The following HLF variants were observed in gnomAD, a reference collection of about 807,000 sequenced individuals.
The protein encoded by HLF is hepatic leukemia factor.
Under a neutral mutation model 22.6 loss-of-function variants are expected in HLF, and 3 were observed. The observed-to-expected ratio is 0.13, with a 90% CI of 0.06 to 0.34. HLF has a LOEUF of 0.34. Among genes scored for constraint, HLF ranks in the 10% least tolerant of loss-of-function variants. The pLI, the probability that HLF is intolerant of heterozygous loss-of-function variation, is 1.00. For synonymous variants in HLF, 151 were observed against 151.8 expected (o/e 0.99, Z 0.04); for missense variants, 299 against 389.2 (o/e 0.77, Z 1.95).
intron 2 of HLF, among the ~76,000 whole-genome samples, chr17:55,284,826 G>A (rs920086024): frequency 1.3e-5 from 2 of 152,204 alleles, no homozygotes; most frequent in African/African-American, 4.8e-5. Flanking sequence ...AGGGCACAGT[G>A]AATTTGAAAG....
chr17:55,298,759 C>T (rs112548843), intron 2 of HLF, among the ~76,000 whole-genome samples: 3,237 of 152,204 alleles, frequency 0.021, 117 homozygotes, highest in African/African-American at 0.074. Flanking sequence ...ATTTTTATTA[C>T]GTGTGTAAAT....
rs2080779726 is a variant in HLF at position 55,265,581 on chromosome 17, C to T, written c.97C>T (p.Pro33Ser). 3 of 1,599,928 alleles carry T rather than the reference C, an allele frequency of 1.9e-6. No individual in the cohort carries two copies. Among genetic ancestry groups the T allele is most frequent in the African/African-American group, 1.4e-5 (1 of 73,704 alleles). The change falls in exon 1 of 4, where the codon CCC becomes TCC. Residue 33 changes from proline (P) to serine (S), a missense_variant. By Grantham distance (74) the Pro-to-Ser change is moderately conservative. This residue lies in a region of HLF where 72 missense variants were observed against 74.0 expected (regional missense o/e 0.97). Coordinates refer to ENST00000226067, the MANE Select transcript of HLF (RefSeq NM_002126.5). Reference sequence around the variant, plus strand: ...CCTGCTGGAGAACCCGCTGAAGCTCCCCCTTCACCACGAAGACGGTGAGCG... The same window carrying T: ...CCTGCTGGAGAACCCGCTGAAGCTCTCCCTTCACCACGAAGACGGTGAGCG... The part of the protein sequence containing the change: ...RSLLENPLKL[P>S]LHHEDAFSKD...
intron 2 of HLF, among the ~76,000 whole-genome samples, chr17:55,280,078 A>G (rs2145313352): frequency 6.6e-6 from 1 of 152,306 alleles, no homozygotes; most frequent in Middle Eastern, 3.4e-3. Flanking sequence ...CATGTACAGC[A>G]CTTAGAACAG....
intron 2 of HLF, among the ~76,000 whole-genome samples, chr17:55,302,600 G>A (rs1415834073): frequency 6.6e-6 from 1 of 152,162 alleles, no homozygotes; most frequent in African/African-American, 2.4e-5. Flanking sequence ...AGCGAATATT[G>A]TCGCTGATTT....
At chr17:55,290,383 T>C (rs2081049850) in intron 2 of HLF, among the ~76,000 whole-genome samples, 1 of 152,242 alleles carries the variant, frequency 6.6e-6, no homozygotes, top group East Asian at 1.9e-4. Flanking sequence ...ACAGTATGTG[T>C]TCACTTGGTG....
intron 2 of HLF, among the ~76,000 whole-genome samples, chr17:55,305,439 G>A (rs1013730780): frequency 6.6e-6 from 1 of 152,154 alleles, no homozygotes; most frequent in Non-Finnish European, 1.5e-5. Context: ...TACCTCTCTG[G>A]GGTTTGCCAA....
intron 2 of HLF, among the ~76,000 whole-genome samples, chr17:55,276,818 C>T (rs1463898960): frequency 1.3e-5 from 2 of 151,922 alleles, no homozygotes; most frequent in African/African-American, 4.9e-5. Context: ...GTGAACATTT[C>T]CACTTGAGTT....
chr17:55,307,214 C>T (rs755980758), intron 2 of HLF, among the ~76,000 whole-genome samples: 4 of 131,150 alleles, frequency 3.0e-5, no homozygotes, highest in Non-Finnish European at 4.6e-5. Context: ...AGTGCAGTGG[C>T]GCAATCTTGG....
At chr17:55,285,553 T>C (rs1177493442) in intron 2 of HLF, among the ~76,000 whole-genome samples, 1 of 152,236 alleles carries the variant, frequency 6.6e-6, no homozygotes, top group Non-Finnish European at 1.5e-5. Flanking sequence ...CCTTGGGTCC[T>C]TCTCTCTGGC....
chr17:55,307,268 C>G lies in HLF; in HGVS notation c.452-7959C>G, dbSNP rs138292064. Among the ~76,000 whole-genome samples, 407 of 150,962 alleles carry G rather than the reference C, an allele frequency of 2.7e-3. 4 individuals are homozygous for G. The highest frequency in any genetic ancestry group is 9.1e-3 in the African/African-American group (374 of 41,152). ...TCACAGGTTCAGGTGATTCTCCTGC[C>G]TCAGCCTCCCAAGTAGCTGGAATTA... is the stretch of plus-strand genomic sequence containing the variant. On this transcript the variant is annotated intron_variant, in intron 2 of 3. Transcript: ENST00000226067.
At position 55,321,559 on chromosome 17, in the gene HLF, A is replaced by C. The variant is rs1905263517; in HGVS notation, c.*680A>C. 1 of 228,682 alleles carries C rather than the reference A, an allele frequency of 4.4e-6. No individual in the cohort carries two copies. The allele number at this position is 228,682 out of a possible 1,614,324, so 14.2% of individuals were successfully genotyped here. On this transcript the variant is annotated 3_prime_UTR_variant, in exon 4 of 4. Coordinates refer to ENST00000226067, the MANE Select transcript of HLF (RefSeq NM_002126.5). ...CCAACCCCAGATAAGTAAGAGTACT[A>C]TTAATAGAACACAGAGTGTGTTTTT...
chr17:55,319,711 G>T (rs1905197032), intron 3 of HLF, among the ~76,000 whole-genome samples: 1 of 152,022 alleles, frequency 6.6e-6, no homozygotes, highest in Admixed American at 6.6e-5. Flanking sequence ...ATTAGCGGCA[G>T]GTTGAAGATT....
intron 2 of HLF, among the ~76,000 whole-genome samples, chr17:55,302,120 A>G (rs1443590849): frequency 1.3e-5 from 2 of 152,246 alleles, no homozygotes; most frequent in Non-Finnish European, 2.9e-5. Flanking sequence ...AATGGGGGAA[A>G]TAGTTCACAG....
chr17:55,318,745 G>A (rs903610829), intron 3 of HLF, among the ~76,000 whole-genome samples: 7 of 152,176 alleles, frequency 4.6e-5, no homozygotes, highest in African/African-American at 1.2e-4. Flanking sequence ...ACATTGTTGG[G>A]TATAGATTTA....
At chr17:55,286,367 T>C (rs983297309) in intron 2 of HLF, among the ~76,000 whole-genome samples, 41 of 152,008 alleles carry the variant, frequency 2.7e-4, no homozygotes, top group African/African-American at 8.9e-4. Context: ...CTCACTTTTC[T>C]CAGGGGCCAA....
At chr17:55,295,100 T>C (rs2081100355) in intron 2 of HLF, among the ~76,000 whole-genome samples, 1 of 152,134 alleles carries the variant, frequency 6.6e-6, no homozygotes, top group Non-Finnish European at 1.5e-5. Context: ...GGCGAAGAGA[T>C]ATAATTAATT....
At chr17:55,316,944 A>G (rs1168910824) in intron 3 of HLF, among the ~76,000 whole-genome samples, 6 of 148,050 alleles carry the variant, frequency 4.1e-5, no homozygotes, top group Non-Finnish European at 8.9e-5. Flanking sequence ...TTGTCTTCTT[A>G]GTGATCCAAT....
intron 2 of HLF, among the ~76,000 whole-genome samples, chr17:55,312,383 G>A (rs1418377601): frequency 2.0e-5 from 3 of 152,168 alleles, no homozygotes; most frequent in East Asian, 3.8e-4. Flanking sequence ...AATATAAAAT[G>A]TACATGCCTC....
At chr17:55,268,290 ACT>A (rs1361890893) in intron 2 of HLF, among the ~76,000 whole-genome samples, 1 of 151,822 alleles carries the variant, frequency 6.6e-6, no homozygotes, top group Admixed American at 6.6e-5. Flanking sequence ...GTAAATACAG[ACT>A]CTTTGTATCT....
Sources: gnomAD v4.1 joint callset for allele counts (sites outside exome capture counted in the v4.1 genomes callset) on GRCh38, gnomAD v4.1.1 for gene constraint, gnomAD v4.1.1 regional missense constraint, MANE v1.5 for transcripts, NCBI Gene and HGNC (gene_info 2026-07-23, HGNC 2026-07-21) for gene names.